Variants in AKAP13 observed in about 807,000 individuals in gnomAD.
AKAP13 encodes the protein A-kinase anchor protein 13.
A neutral mutation model predicts 264.5 loss-of-function variants in AKAP13; 80 were observed. That is an observed-to-expected ratio of 0.30 (90% CI 0.25 to 0.36). The LOEUF (loss-of-function observed/expected upper bound fraction) is 0.36, where lower values mean the gene tolerates loss of function less well. AKAP13 is among the 10% of genes least tolerant of loss of function. AKAP13 has a pLI of 1.00. For synonymous variants in AKAP13, 1,380 were observed against 1,250.2 expected, an observed-to-expected ratio of 1.10 and a Z score of -2.19; for missense variants, 3,712 against 3,435.2, an observed-to-expected ratio of 1.08 and a Z score of -2.01.
intron 1 of AKAP13, among the ~76,000 whole-genome samples, chr15:85,453,749 C>A (rs936303262): frequency 3.3e-5 from 5 of 151,908 alleles, no homozygotes; most frequent in Non-Finnish European, 5.9e-5. Context: ...AAGATGGTAG[C>A]CACCCCTTCC....
At chr15:85,729,174 C>G (rs1021450848) in intron 29 of AKAP13, among the ~76,000 whole-genome samples, 1 of 152,006 alleles carries the variant, frequency 6.6e-6, no homozygotes, top group Admixed American at 6.5e-5. Flanking sequence ...TGGCACGTGC[C>G]TGTAATCCCA....
chr15:85,511,838 A>G, intron 2 of AKAP13, among the ~76,000 whole-genome samples: 1 of 152,132 alleles, frequency 6.6e-6, no homozygotes, highest in Non-Finnish European at 1.5e-5. Flanking sequence ...TTATTTTTTT[A>G]GATTGGTAGA....
At chr15:85,707,983 T>C (rs2086406466) in intron 17 of AKAP13, 36 bp from the exon 18 acceptor site, 1 of 1,610,306 alleles carries the variant, frequency 6.2e-7, no homozygotes, top group Non-Finnish European at 8.5e-7. Flanking sequence ...ATCTGTTTGC[T>C]TTGTCCATGT....
rs2086410724 is a variant in AKAP13, at chr15:85,708,043, G to A, written c.5489G>A (p.Gly1830Asp). ...CANCSAFVHKGCRESLASCAK... is the reference protein window; with the variant it reads ...CANCSAFVHKDCRESLASCAK... ...GATTGCAGTGCTTTTGTCCACAAAGGCTGCCGAGAAAGTCTAGCCTCCTGT... is the reference window on the plus strand; with the variant it reads ...GATTGCAGTGCTTTTGTCCACAAAGACTGCCGAGAAAGTCTAGCCTCCTGT... The change falls in exon 18 of 37, where the codon GGC becomes GAC. Residue 1830 changes from glycine (G) to aspartate (D), a missense_variant. Physicochemically the swap from Gly to Asp is moderately conservative, Grantham distance 94 (BLOSUM62 -1). This residue lies in a region of AKAP13 where 2,759 missense variants were observed against 2,411.7 expected (regional missense o/e 1.14). Transcript: ENST00000394518. This position sits in a 1 kb window ranked among gnomAD's most constrained non-coding sequence, Gnocchi z 4.3. 3 of 1,613,768 alleles carry A rather than the reference G, an allele frequency of 1.9e-6. No homozygotes were observed. In the Admixed American group the frequency reaches 5.0e-5, roughly 27 times the overall value.
At chr15:85,538,349 A>T (rs2077469734) in intron 4 of AKAP13, among the ~76,000 whole-genome samples, 1 of 152,150 alleles carries the variant, frequency 6.6e-6, no homozygotes, top group Non-Finnish European at 1.5e-5. Context: ...GAGGTGGAAG[A>T]CAGGTTTAGG....
chr15:85,585,060 T>C (rs1438004983), intron 7 of AKAP13, among the ~76,000 whole-genome samples: 1 of 152,226 alleles, frequency 6.6e-6, no homozygotes, highest in Admixed American at 6.5e-5. Context: ...AGAGGACAAC[T>C]ATGTAATTCT....
intron 2 of AKAP13, among the ~76,000 whole-genome samples, chr15:85,509,589 G>A (rs1270437285): frequency 1.3e-5 from 2 of 152,068 alleles, no homozygotes; most frequent in Admixed American, 1.3e-4. Context: ...TGCTGTGACC[G>A]TGCCTTATGA....
chr15:85,453,567 T>C (rs1474624528), intron 1 of AKAP13, among the ~76,000 whole-genome samples: 1 of 152,142 alleles, frequency 6.6e-6, no homozygotes, highest in Non-Finnish European at 1.5e-5. Context: ...GGCTGGAGAC[T>C]CCAGTTGGGA....
At position 85,459,278 on chromosome 15, in the gene AKAP13, C is replaced by T. The variant is rs143182943; in HGVS notation, c.-11-26432C>T. The stretch of plus-strand genomic sequence containing the variant: ...TTGGCTCACTGCAACCTCTGCCTTC[C>T]GGGTTCAAAAGATTATCCTGCCTCA... On this transcript the variant is annotated intron_variant, in intron 1 of 36. Coordinates refer to ENST00000394518, the MANE Select transcript of AKAP13 (RefSeq NM_007200.5). Among the ~76,000 whole-genome samples the T allele has an allele frequency of 4.0e-4, 61 of 151,842 alleles. No homozygotes were observed. The East Asian group carries it at 6.4e-3, about 16-fold the overall frequency.
chr15:85,381,520 G>GTTTTTTTTTT (rs1567029535), intron 1 of AKAP13, among the ~76,000 whole-genome samples: 1 of 44,768 alleles, frequency 2.2e-5, no homozygotes, highest in African/African-American at 7.4e-5. Context: ...ACGGTTTACT[G>GTTTTTTTTTT]CTTTTTTTTT....
intron 2 of AKAP13, among the ~76,000 whole-genome samples, chr15:85,517,478 A>G (rs2076649347): frequency 6.6e-6 from 1 of 152,174 alleles, no homozygotes; most frequent in Non-Finnish European, 1.5e-5. Flanking sequence ...TCTTTGGTCT[A>G]GAAAAGGAAA....
chr15:85,621,425 C>T (rs367649473), intron 8 of AKAP13: 8 of 151,888 alleles, frequency 5.3e-5, no homozygotes, highest in Non-Finnish European at 7.4e-5. Context: ...TGTGAGATCA[C>T]GGTGATGTTT....
chr15:85,695,904 A>G (rs577906244), intron 17 of AKAP13, among the ~76,000 whole-genome samples: 17 of 152,350 alleles, frequency 1.1e-4, no homozygotes, highest in East Asian at 3.9e-4. Flanking sequence ...TCGGAGGTCT[A>G]TAGTTTAGTT....
intron 8 of AKAP13, among the ~76,000 whole-genome samples, chr15:85,591,900 G>A (rs567678217): frequency 1.3e-4 from 20 of 152,186 alleles, no homozygotes; most frequent in African/African-American, 4.6e-4. Flanking sequence ...GGCTCCTATG[G>A]TCCTAACAGT....
chr15:85,529,241 G>T (rs1446595956), intron 3 of AKAP13, among the ~76,000 whole-genome samples: 4 of 152,124 alleles, frequency 2.6e-5, no homozygotes, highest in Non-Finnish European at 5.9e-5. Context: ...CTAATGCAAT[G>T]AAACCCCATC....
intron 8 of AKAP13, among the ~76,000 whole-genome samples, chr15:85,596,804 T>C (rs1016270197): frequency 6.6e-6 from 1 of 152,152 alleles, no homozygotes; most frequent in African/African-American, 2.4e-5. Context: ...AAAGGATAAA[T>C]TTGGCTTGGC....
At chr15:85,687,499 A>G (rs377704191) in intron 16 of AKAP13, among the ~76,000 whole-genome samples, 11 of 152,194 alleles carry the variant, frequency 7.2e-5, no homozygotes, top group South Asian at 4.1e-4. Context: ...CTTTTTTGCA[A>G]TTGAGATTGG....
At chr15:85,389,415 A>G (rs2070745695) in intron 1 of AKAP13, among the ~76,000 whole-genome samples, 1 of 152,104 alleles carries the variant, frequency 6.6e-6, no homozygotes, top group Non-Finnish European at 1.5e-5. Flanking sequence ...TCTCTTTGGG[A>G]CTGCAGTTCT....
intron 3 of AKAP13, among the ~76,000 whole-genome samples, chr15:85,526,874 A>T (rs929666452): frequency 2.6e-5 from 4 of 152,294 alleles, no homozygotes; most frequent in African/African-American, 9.6e-5. Context: ...TAGTTAGTAC[A>T]TATAGTGGTT....
Sources: gnomAD v4.1 joint callset for allele counts (sites outside exome capture counted in the v4.1 genomes callset) on GRCh38, gnomAD v4.1.1 for gene constraint, gnomAD v4.1.1 regional missense constraint, Gnocchi (gnomAD v3.1) non-coding constraint, MANE v1.5 for transcripts, NCBI Gene and HGNC (gene_info 2026-07-23, HGNC 2026-07-21) for gene names.